Variants in CFAP46 observed in about 807,000 individuals in gnomAD.
The protein encoded by CFAP46 is cilia- and flagella-associated protein 46.
In CFAP46, 245 loss-of-function variants were observed where a neutral mutation model predicts 325.7. That is an observed-to-expected ratio of 0.75 (90% CI 0.68 to 0.84). The LOEUF is 0.84. Ranked by LOEUF, CFAP46 falls within the 40% of genes least tolerant of loss-of-function variation. The pLI is 0.00. For synonymous variants in CFAP46, 1,523 were observed against 1,495.9 expected, an observed-to-expected ratio of 1.02 and a Z score of -0.42; for missense variants, 3,346 against 3,543.0, an observed-to-expected ratio of 0.94 and a Z score of 1.41.
chr10:132,831,630 T>A (rs1376618610), intron 50 of CFAP46, among the ~76,000 whole-genome samples: 1 of 152,240 alleles, frequency 6.6e-6, no homozygotes, highest in East Asian at 1.9e-4. Context: ...TCTTTGTATT[T>A]AAAGTGGGTT....
Position 132,877,445 on chromosome 10 carries a change from G to GA in CFAP46, c.4212+435dup, listed in dbSNP as rs1848972282. On this transcript the variant is annotated intron_variant, in intron 30 of 57. Transcript: ENST00000368586. This position sits in a 1 kb window ranked among gnomAD's most constrained non-coding sequence, Gnocchi z 5.7. ...TGCAGAGAGAAAGGTTTCATGAGATGAAAAAAACACTTTTCTCACTGCTCT... is the reference window on the plus strand; with the variant it reads ...TGCAGAGAGAAAGGTTTCATGAGATGAAAAAAAACACTTTTCTCACTGCTCT... 6.6e-6 allele frequency among the ~76,000 whole-genome samples: 1 copy of GA among 152,138 alleles called. No homozygotes were observed. The highest frequency in any genetic ancestry group is 6.5e-5 in the Admixed American group (1 of 15,284).
chr10:132,927,417 G>C (rs1209263616), intron 9 of CFAP46, among the ~76,000 whole-genome samples: 1 of 150,584 alleles, frequency 6.6e-6, no homozygotes, highest in Non-Finnish European at 1.5e-5. Flanking sequence ...GTCCCGGGGA[G>C]CAGGTCCTCG....
Position 132,866,040 on chromosome 10 carries a change from A to T in CFAP46, c.4875T>A (p.Ala1625=). The T allele has an allele frequency of 6.6e-7, 1 of 1,513,460 alleles. No individual in the cohort carries two copies. The highest frequency in any genetic ancestry group is 1.3e-5 in the South Asian group (1 of 78,402). The allele number at this position is 1,513,460 out of a possible 1,614,324, so 93.8% of individuals were successfully genotyped here. Reference sequence around the variant, plus strand: ...GGCTCCTCACCTGGAAAGCCAGGTAAGCCTCCGACAGGAGCAGCCGTGCAG... The same window carrying T: ...GGCTCCTCACCTGGAAAGCCAGGTATGCCTCCGACAGGAGCAGCCGTGCAG... ...YQPARLLLSE[A]YLAFQELDEP... Residue 1625 remains alanine, a synonymous_variant, in exon 35 of 58, where the codon GCT becomes GCA. Transcript: ENST00000368586.
In CFAP46 at chr10:132,877,411, G is replaced by A. The variant is rs1848971667; in HGVS notation, c.4213-450C>T. On this transcript the variant is annotated intron_variant, in intron 30 of 57. Transcript: ENST00000368586. The surrounding 1 kb of genome is among the most constrained non-coding windows in gnomAD (Gnocchi z 5.7). ...TCAGACCTGCCCAGCACTTTGAGAA[G>A]TGGATACTTGCAGAGAGAAAGGTTT... 6.6e-6 allele frequency among the ~76,000 whole-genome samples: 1 copy of A among 152,196 alleles called. No individual in the cohort carries two copies. Among genetic ancestry groups the A allele is most frequent in the Non-Finnish European group, 1.5e-5 (1 of 68,038 alleles).
chr10:132,887,623 T>C (rs1173148940), intron 25 of CFAP46, among the ~76,000 whole-genome samples: 4 of 47,044 alleles, frequency 8.5e-5, no homozygotes, highest in Admixed American at 2.9e-4. Context: ...TCTCTCCTCT[T>C]CTCTCCTCTC....
In CFAP46 at chr10:132,821,862, GTGTGTGC is replaced by G. The variant is rs1332404167; in HGVS notation, c.7118-6955_7118-6949del. Reference sequence around the variant, plus strand: ...TGCTGTGTGAGCGCTGATGTGTGCTGTGTGTGCTGTGTGCTGTGTGTGCAGTGATGTG... The same window carrying G: ...TGCTGTGTGAGCGCTGATGTGTGCTGTGTGTGCTGTGTGTGCAGTGATGTG... On this transcript the variant is annotated intron_variant, in intron 50 of 57. Coordinates refer to ENST00000368586, the MANE Select transcript of CFAP46 (RefSeq NM_001200049.3). Among the ~76,000 whole-genome samples the G allele has an allele frequency of 4.3e-4, 62 of 145,578 alleles. 1 individual carries two copies. The highest frequency in any genetic ancestry group is 1.4e-3 in the African/African-American group (55 of 38,628).
intron 22 of CFAP46, among the ~76,000 whole-genome samples, chr10:132,906,277 G>T (rs544746327): frequency 6.6e-6 from 1 of 152,224 alleles, no homozygotes; most frequent in Non-Finnish European, 1.5e-5. Context: ...CTGAGCACTC[G>T]CAGTCTCACC....
Position 132,942,464 on chromosome 10 carries a change from C to A in CFAP46, c.21G>T (p.Gln7His). The change falls in exon 1 of 58, where the codon CAG becomes CAT. Residue 7 changes from glutamine (Q) to histidine (H), a missense_variant. Physicochemically the swap from Gln to His is conservative, Grantham distance 24. Transcript: ENST00000368586. ...GCTGGCTCTCGGCGCGGGCCAGCTC[C>A]TGCGTGATGACCAGGTCCATGGCGC... is the stretch of plus-strand genomic sequence containing the variant. MDLVITQELARAESQQD... is the reference protein window; with the variant it reads MDLVITHELARAESQQD... 1 of 1,236,742 alleles carries A rather than the reference C, an allele frequency of 8.1e-7. No individual in the cohort carries two copies. Among genetic ancestry groups the A allele is most frequent in the Non-Finnish European group, 1.0e-6 (1 of 1,003,592 alleles). The allele number at this position is 1,236,742 out of a possible 1,614,324, so 76.6% of individuals were successfully genotyped here.
At chr10:132,812,188 C>T (rs1021975090) in intron 55 of CFAP46, among the ~76,000 whole-genome samples, 1 of 152,208 alleles carries the variant, frequency 6.6e-6, no homozygotes, top group Non-Finnish European at 1.5e-5. Context: ...TGGGCCGTGG[C>T]GTGTGACAGG....
rs1186578373 is a variant in CFAP46, at chr10:132,939,660, G to A, written c.372-907C>T. On this transcript the variant is annotated intron_variant, in intron 4 of 57. Coordinates refer to ENST00000368586, the MANE Select transcript of CFAP46 (RefSeq NM_001200049.3). This position sits in a 1 kb window ranked among gnomAD's most constrained non-coding sequence, Gnocchi z 4.6. ...TCCTGTTTCCAGGTTTTCAGGAGAG[G>A]AGCGGAGGTGCGGGGTGTCCTGACC... Among the ~76,000 whole-genome samples the A allele has an allele frequency of 1.3e-5, 2 of 152,158 alleles. No homozygotes were observed. The highest frequency in any genetic ancestry group is 6.5e-5 in the Admixed American group (1 of 15,280).
chr10:132,924,414 C>T (rs1344729832), intron 11 of CFAP46, among the ~76,000 whole-genome samples: 1 of 152,236 alleles, frequency 6.6e-6, no homozygotes, highest in Non-Finnish European at 1.5e-5. Flanking sequence ...CCACTCCCGG[C>T]CTCTGTGGCC....
intron 50 of CFAP46, among the ~76,000 whole-genome samples, chr10:132,824,220 T>A (rs1365767555): frequency 1.7e-4 from 23 of 135,598 alleles, no homozygotes; most frequent in African/African-American, 6.4e-4. Context: ...CTGTGTGTGC[T>A]GTGTGTTGTG....
At chr10:132,904,426 A>G (rs1849429204) in intron 22 of CFAP46, among the ~76,000 whole-genome samples, 1 of 152,250 alleles carries the variant, frequency 6.6e-6, no homozygotes, top group South Asian at 2.1e-4. Context: ...ACCAAGGGCC[A>G]CTAGAGGACA....
chr10:132,936,956 C>T lies in CFAP46; in HGVS notation c.755+5G>A. 1 of 1,514,512 alleles carries T rather than the reference C, an allele frequency of 6.6e-7. No homozygotes were observed. Among genetic ancestry groups the T allele is most frequent in the Non-Finnish European group, 8.9e-7 (1 of 1,117,926 alleles). 93.8% of individuals were successfully genotyped at this position (1,514,512 alleles called of 1,614,324 possible). A position where few individuals can be genotyped will look rare whatever the true frequency, so the allele number is the denominator to read the frequency against. ...GTATTTGCTCTCCCTCCCAAAACGA[C>T]TTACGCCTTTAGCATATTAATATAG... On this transcript the variant is annotated splice_donor_5th_base_variant and intron_variant, in intron 7 of 57. Coordinates refer to ENST00000368586, the MANE Select transcript of CFAP46 (RefSeq NM_001200049.3).
intron 35 of CFAP46, among the ~76,000 whole-genome samples, chr10:132,864,574 T>G (rs1346723645): frequency 2.0e-5 from 2 of 97,656 alleles, no homozygotes; most frequent in Non-Finnish European, 4.0e-5. Context: ...TGCAAACATC[T>G]GTCCCCCTGC....
intron 27 of CFAP46, among the ~76,000 whole-genome samples, chr10:132,883,095 G>A (rs1423172099): frequency 3.9e-5 from 6 of 152,180 alleles, no homozygotes; most frequent in Non-Finnish European, 8.8e-5. Context: ...AGAAACACAA[G>A]CAACAAAACA....
intron 44 of CFAP46, 151 bp downstream of exon 44, chr10:132,845,906 G>A: frequency 4.7e-6 from 4 of 850,634 alleles, no homozygotes; most frequent in Non-Finnish European, 7.1e-6. Context: ...GGCGACCCAG[G>A]TGCACATGGC....
intron 15 of CFAP46, among the ~76,000 whole-genome samples, chr10:132,918,863 C>T (rs1332315116): frequency 2.0e-5 from 3 of 152,230 alleles, no homozygotes; most frequent in African/African-American, 7.2e-5. Flanking sequence ...TCCCAGACCC[C>T]CTGTGCCCGT....
chr10:132,892,393 G>A lies in CFAP46; in HGVS notation c.3244C>T (p.His1082Tyr). Residue 1082 changes from histidine to tyrosine, a missense_variant, in exon 25 of 58, where the codon CAC becomes TAC. Physicochemically the swap from His to Tyr is moderately conservative, Grantham distance 83. Transcript: ENST00000368586. ...TGGAAGTCGGCCGTGGGCCACTGGTGCAGAAGCAGCGTCTTTCCTTTCTCC... is the reference window on the plus strand; with the variant it reads ...TGGAAGTCGGCCGTGGGCCACTGGTACAGAAGCAGCGTCTTTCCTTTCTCC... ...KQEKGKTLLLHQWPTADFQGG... is the reference protein window; with the variant it reads ...KQEKGKTLLLYQWPTADFQGG... 6.4e-7 allele frequency: 1 copy of A among 1,550,910 alleles called. No homozygotes were observed. Among genetic ancestry groups the A allele is most frequent in the Non-Finnish European group, 8.7e-7 (1 of 1,147,072 alleles).
Sources: allele counts gnomAD v4.1 joint callset (sites outside exome capture counted in the v4.1 genomes callset), GRCh38; gene constraint gnomAD v4.1.1; non-coding constraint Gnocchi (gnomAD v3.1); transcripts MANE v1.5; gene names NCBI Gene and HGNC (gene_info 2026-07-23, HGNC 2026-07-21).